ZCCHC4: variants seen among roughly 807,000 people sequenced by gnomAD.
The protein encoded by ZCCHC4 is rRNA N(6)-adenosine-methyltransferase ZCCHC4.
Under a neutral mutation model 67.7 loss-of-function variants are expected in ZCCHC4, and 54 were observed. The ratio of observed to expected loss-of-function variants is 0.80; its 90% CI spans 0.64 to 1.00. The LOEUF is 1.00. Ranked by LOEUF, ZCCHC4 falls within the 50% of genes least tolerant of loss-of-function variation. The pLI, the probability that ZCCHC4 is intolerant of heterozygous loss-of-function variation, is 0.00. For missense variants in ZCCHC4, 609 were observed against 617.0 expected, an observed-to-expected ratio of 0.99 and a Z score of 0.14; for synonymous variants, 198 against 213.5, an observed-to-expected ratio of 0.93 and a Z score of 0.63.
intron 7 of ZCCHC4, 150 bp downstream of exon 7, chr4:25,349,792 C>A (rs1577344709): frequency 1.3e-6 from 1 of 755,874 alleles, no homozygotes; most frequent in Non-Finnish European, 2.1e-6. Flanking sequence ...TTGCAGCAAA[C>A]TTCATTATCA....
intron 3 of ZCCHC4, among the ~76,000 whole-genome samples, chr4:25,320,149 G>C (rs898347878): frequency 2.0e-5 from 3 of 151,668 alleles, no homozygotes; most frequent in Non-Finnish European, 4.4e-5. Context: ...TATGTGTTCA[G>C]TTGACATATT....
At chr4:25,329,385 AT>A (rs1719055536) in intron 3 of ZCCHC4, among the ~76,000 whole-genome samples, 2 of 149,366 alleles carry the variant, frequency 1.3e-5, no homozygotes, top group South Asian at 4.2e-4. Context: ...TCAGTTTTTC[AT>A]TTTGTATCAT....
chr4:25,328,409 T>A (rs894151198), intron 3 of ZCCHC4, among the ~76,000 whole-genome samples: 2 of 151,976 alleles, frequency 1.3e-5, no homozygotes, highest in African/African-American at 4.8e-5. Flanking sequence ...CCAGCTAATT[T>A]TTGTATTTTT....
intron 5 of ZCCHC4, among the ~76,000 whole-genome samples, chr4:25,340,018 GC>G (rs1719659818): frequency 6.6e-6 from 1 of 151,944 alleles, no homozygotes; most frequent in African/African-American, 2.4e-5. Context: ...ACAGGCGCCT[GC>G]CACCACGCCT....
At chr4:25,315,957 G>C (rs2109045509) in intron 3 of ZCCHC4, among the ~76,000 whole-genome samples, 1 of 152,150 alleles carries the variant, frequency 6.6e-6, no homozygotes, top group Non-Finnish European at 1.5e-5. Flanking sequence ...GGGCTCAAGG[G>C]ATCCGCCCAC....
chr4:25,362,407 T>TAACAA, intron 10 of ZCCHC4, 106 bp downstream of exon 10: 1 of 633,506 alleles, frequency 1.6e-6, no homozygotes, highest in Non-Finnish European at 2.5e-6. Context: ...GGATTTGTAT[T>TAACAA]AATATGTATT....
intron 3 of ZCCHC4, among the ~76,000 whole-genome samples, chr4:25,316,540 A>G (rs560614527): frequency 6.0e-4 from 92 of 152,338 alleles, no homozygotes; most frequent in African/African-American, 2.2e-3. Context: ...ATGTCATTGC[A>G]GCTTTGATTT....
chr4:25,341,370 T>G (rs1307690846), intron 5 of ZCCHC4, among the ~76,000 whole-genome samples: 1 of 152,094 alleles, frequency 6.6e-6, no homozygotes, highest in Non-Finnish European at 1.5e-5. Context: ...GATGCTGTCT[T>G]TGTGATAATA....
In ZCCHC4 at chr4:25,369,731, G is replaced by T. The variant is rs1721075080; in HGVS notation, c.*567G>T. ...TTACAGGCATGAGCCACCTCACCCA[G>T]CTCCGGTCACATTATTCTAGCCTTT... On this transcript the variant is annotated 3_prime_UTR_variant, in exon 13 of 13. Coordinates refer to ENST00000302874, the MANE Select transcript of ZCCHC4 (RefSeq NM_024936.3). 1 of 152,322 alleles carries T rather than the reference G, an allele frequency of 6.6e-6. No individual in the cohort carries two copies. Among genetic ancestry groups the T allele is most frequent in the South Asian group, 2.1e-4 (1 of 4,838 alleles). The allele number at this position is 152,322 out of a possible 1,614,324, so 9.4% of individuals were successfully genotyped here.
intron 5 of ZCCHC4, among the ~76,000 whole-genome samples, chr4:25,335,581 A>G (rs316778): frequency 0.83 from 126,271 of 152,160 alleles, 52,745 homozygotes; most frequent in African/African-American, 0.92. Context: ...GCAACATGGT[A>G]AAACCCCATT....
chr4:25,313,969 G>T, intron 1 of ZCCHC4, 77 bp from the exon 2 acceptor site: 2 of 823,262 alleles, frequency 2.4e-6, no homozygotes, highest in Non-Finnish European at 3.9e-6. Context: ...TTTTATTTAA[G>T]GGCAGCGAAA....
chr4:25,322,555 C>A (rs1335782773), intron 3 of ZCCHC4, among the ~76,000 whole-genome samples: 33 of 151,988 alleles, frequency 2.2e-4, no homozygotes, highest in Admixed American at 2.2e-3. Flanking sequence ...CACTGTGTCA[C>A]CCAGGGTGGA....
At chr4:25,327,157 T>C (rs1718923865) in intron 3 of ZCCHC4, among the ~76,000 whole-genome samples, 1 of 152,250 alleles carries the variant, frequency 6.6e-6, no homozygotes. Flanking sequence ...TAATGTTTAC[T>C]TTCCAATTTA....
chr4:25,318,420 G>A (rs532048829), intron 3 of ZCCHC4, among the ~76,000 whole-genome samples: 7 of 129,874 alleles, frequency 5.4e-5, no homozygotes, highest in African/African-American at 8.8e-5. Flanking sequence ...GCAGTGGCGC[G>A]ATCTCATCTC....
At chr4:25,340,999 C>T (rs1015809953) in intron 5 of ZCCHC4, among the ~76,000 whole-genome samples, 5 of 151,922 alleles carry the variant, frequency 3.3e-5, no homozygotes, top group African/African-American at 7.3e-5. Flanking sequence ...TAAATAATAT[C>T]GTCTCTTCCT....
chr4:25,364,967 A>C (rs1720885226), intron 11 of ZCCHC4, 55 bp from the exon 12 acceptor site: 3 of 1,606,828 alleles, frequency 1.9e-6, no homozygotes, highest in Non-Finnish European at 2.6e-6. Flanking sequence ...AAAGTTAATA[A>C]GATGAAAAAT....
At chr4:25,366,492 T>G (rs1245878549) in intron 12 of ZCCHC4, among the ~76,000 whole-genome samples, 1 of 151,848 alleles carries the variant, frequency 6.6e-6, no homozygotes, top group Non-Finnish European at 1.5e-5. Context: ...ACTTTTTGTA[T>G]TTTTTAGTAG....
chr4:25,327,430 C>CTCCTTCCTTCCGT (rs1718948926), intron 3 of ZCCHC4, among the ~76,000 whole-genome samples: 2 of 146,856 alleles, frequency 1.4e-5, no homozygotes, highest in Non-Finnish European at 3.0e-5. Context: ...CCCTCCTTCC[C>CTCCTTCCTTCCGT]TCCTTCCTTC....
chr4:25,355,513 C>T lies in ZCCHC4; in HGVS notation c.1011+3824C>T, dbSNP rs74437384. ...TGAATTAGATGATCTCACCTCCTTTCCACCTGAGATGTTCTGCTCTCTCTT... is the reference window on the plus strand; with the variant it reads ...TGAATTAGATGATCTCACCTCCTTTTCACCTGAGATGTTCTGCTCTCTCTT... On this transcript the variant is annotated intron_variant, in intron 8 of 12. Transcript: ENST00000302874. Among the ~76,000 whole-genome samples the T allele has an allele frequency of 0.014, 2,144 of 152,204 alleles. 91 individuals carry two copies. In the East Asian group the frequency reaches 0.15, roughly 11 times the overall value.
Sources: allele counts gnomAD v4.1 joint callset (sites outside exome capture counted in the v4.1 genomes callset), GRCh38; gene constraint gnomAD v4.1.1; transcripts MANE v1.5; gene names NCBI Gene and HGNC (gene_info 2026-07-23, HGNC 2026-07-21).